Variants in INTS6 observed in about 807,000 individuals in gnomAD.
INTS6 encodes integrator complex subunit 6.
Under a neutral mutation model 104.9 loss-of-function variants are expected in INTS6, and 16 were observed. The ratio of observed to expected loss-of-function variants is 0.15; its 90% CI spans 0.10 to 0.23. The LOEUF is 0.23. INTS6 is among the 10% of genes least tolerant of loss of function. The pLI is 1.00. For missense variants in INTS6, 584 were observed against 1,062.8 expected, an observed-to-expected ratio of 0.55 and a Z score of 6.26; for synonymous variants, 324 against 358.7, an observed-to-expected ratio of 0.90 and a Z score of 1.09.
intron 4 of INTS6, among the ~76,000 whole-genome samples, chr13:51,417,772 T>C (rs548647528): frequency 6.6e-6 from 1 of 150,812 alleles, no homozygotes; most frequent in South Asian, 2.1e-4. Flanking sequence ...ATTATTCTTT[T>C]CTCATTAAAC....
At chr13:51,401,896 A>T (rs1227508296) in intron 4 of INTS6, among the ~76,000 whole-genome samples, 5 of 152,106 alleles carry the variant, frequency 3.3e-5, no homozygotes, top group African/African-American at 9.7e-5. Context: ...AATTAATATT[A>T]AAAAAACTAA....
chr13:51,387,586 G>T, intron 6 of INTS6, 46 bp from the exon 7 acceptor site: 2 of 1,417,148 alleles, frequency 1.4e-6, no homozygotes, highest in Non-Finnish European at 1.9e-6. Context: ...TCATAAGGGG[G>T]GATAAGCATA....
At position 51,371,491 on chromosome 13, in the gene INTS6, G is replaced by A. The variant is rs879569507; in HGVS notation, c.2105-2181C>T. Among the ~76,000 whole-genome samples the A allele has an allele frequency of 7.2e-4, 110 of 151,918 alleles. 1 individual carries two copies. The highest frequency in any genetic ancestry group is 7.1e-4 in the Non-Finnish European group (48 of 68,002). ...AAAGTGATATATCACTTTTACTAAT[G>A]TCTGAATTTCTCTTATTCTACTGTC... On this transcript the variant is annotated intron_variant, in intron 15 of 17. Coordinates refer to ENST00000311234, the MANE Select transcript of INTS6 (RefSeq NM_012141.3).
intron 7 of INTS6, 58 bp downstream of exon 7, chr13:51,387,328 C>CT (rs1399845475): frequency 6.9e-7 from 1 of 1,447,232 alleles, no homozygotes; most frequent in African/African-American, 1.4e-5. Flanking sequence ...GAATTTGAAA[C>CT]TAATAGGAAA....
chr13:51,381,619 T>C (rs1243874338), intron 10 of INTS6, among the ~76,000 whole-genome samples: 2 of 152,178 alleles, frequency 1.3e-5, no homozygotes, highest in South Asian at 2.1e-4. Context: ...AATTTTCATG[T>C]CATTTAATCT....
the INTS6 span, among the ~76,000 whole-genome samples, chr13:51,345,791 C>CA: frequency 9.9e-5 from 15 of 152,212 alleles, no homozygotes; most frequent in Non-Finnish European, 2.2e-4. Context: ...TCCCTGCTCA[C>CA]ATCCTTGTGC....
At chr13:51,420,293 T>C (rs1956871290) in intron 4 of INTS6, among the ~76,000 whole-genome samples, 1 of 150,932 alleles carries the variant, frequency 6.6e-6, no homozygotes, top group African/African-American at 2.4e-5. Flanking sequence ...GAATGGTACA[T>C]ACTTAATTTT....
At chr13:51,334,593 C>A in the INTS6 span, among the ~76,000 whole-genome samples, 1 of 152,132 alleles carries the variant, frequency 6.6e-6, no homozygotes, top group Non-Finnish European at 1.5e-5. Context: ...AATAAACTTA[C>A]TTTAAAATTT....
At chr13:51,356,063 T>G (rs1324557298) in intron 3 of INTS6, among the ~76,000 whole-genome samples, 1 of 152,188 alleles carries the variant, frequency 6.6e-6, no homozygotes, top group Non-Finnish European at 1.5e-5. Context: ...AGTCTTGGTT[T>G]GGGCTTTAGA....
chr13:51,340,964 C>T, the INTS6 span: 7 of 1,056,434 alleles, frequency 6.6e-6, no homozygotes, highest in East Asian at 1.7e-4. Flanking sequence ...TCTCCCTCAG[C>T]CGTCCCTAGC....
intron 3 of INTS6, chr13:51,445,093 T>C (rs1000374483): frequency 6.6e-6 from 1 of 152,182 alleles, no homozygotes; most frequent in African/African-American, 2.4e-5. Flanking sequence ...CTTGTGTAAA[T>C]CTCATCTAAA....
At chr13:51,401,394 AACAGAAAGAAGAAAACTGAGAATC>A (rs1373387485) in intron 4 of INTS6, among the ~76,000 whole-genome samples, 1 of 152,156 alleles carries the variant, frequency 6.6e-6, no homozygotes, top group East Asian at 1.9e-4. Context: ...AGCTGTATTT[AACAGAAAGAAGAAAACTGAGAATC>A]ACAGTACTAG....
At position 51,362,178 on chromosome 13, in the gene INTS6, C is replaced by A. The variant is rs1955591903; in HGVS notation, c.*3574G>T. 6.7e-6 allele frequency: 5 copies of A among 750,244 alleles called. No homozygotes were observed. Among genetic ancestry groups the A allele is most frequent in the South Asian group, 2.9e-5 (1 of 34,424 alleles). The allele number at this position is 750,244 out of a possible 1,614,324, so 46.5% of individuals were successfully genotyped here. A position where few individuals can be genotyped will look rare whatever the true frequency, so the allele number is the denominator to read the frequency against. ...CTATAGGTTTCTACTTCTGAAGACA[C>A]TTGGAAAAATCATGAAAGTAAAATA... On this transcript the variant is annotated 3_prime_UTR_variant, in exon 18 of 18. Coordinates refer to ENST00000311234, the MANE Select transcript of INTS6 (RefSeq NM_012141.3).
At chr13:51,404,351 G>C (rs1386389408) in intron 4 of INTS6, among the ~76,000 whole-genome samples, 1 of 149,654 alleles carries the variant, frequency 6.7e-6, no homozygotes, top group East Asian at 2.0e-4. Context: ...TAGATACAAA[G>C]TTTCCATGCT....
intron 12 of INTS6, among the ~76,000 whole-genome samples, chr13:51,377,587 C>A (rs547518454): frequency 6.6e-6 from 1 of 152,064 alleles, no homozygotes; most frequent in Admixed American, 6.6e-5. Context: ...TTCTTATCCA[C>A]TACCTTATTT....
chr13:51,450,447 A>G, intron 3 of INTS6: 1 of 985,410 alleles, frequency 1.0e-6, no homozygotes, highest in Non-Finnish European at 1.2e-6. Context: ...GTTTAAATCA[A>G]AACTCTGGGC....
intron 3 of INTS6, chr13:51,439,901 T>A (rs1405233403): frequency 4.6e-5 from 7 of 152,230 alleles, no homozygotes. Context: ...GACATCTTAA[T>A]GATCCTGACC....
chr13:51,432,469 C>G (rs77733910), intron 3 of INTS6, among the ~76,000 whole-genome samples: 1 of 147,882 alleles, frequency 6.8e-6, no homozygotes. Flanking sequence ...AAAAAAAAAA[C>G]ACCATCTTGT....
At chr13:51,348,082 C>T in the INTS6 span, 3 of 673,298 alleles carry the variant, frequency 4.5e-6, no homozygotes, top group East Asian at 2.8e-5. Flanking sequence ...CTGAAACCGC[C>T]TCCTGAGGGT....
Sources: gnomAD v4.1 joint callset for allele counts (sites outside exome capture counted in the v4.1 genomes callset) on GRCh38, gnomAD v4.1.1 for gene constraint, MANE v1.5 for transcripts, NCBI Gene and HGNC (gene_info 2026-07-23, HGNC 2026-07-21) for gene names.